Variants in IMMP2L observed in about 807,000 individuals in gnomAD.
IMMP2L encodes inner mitochondrial membrane peptidase subunit 2, also known as mitochondrial inner membrane protease subunit 2.
Under a neutral mutation model 19.3 loss-of-function variants are expected in IMMP2L, and 18 were observed. The observed-to-expected ratio is 0.93, with a 90% CI of 0.64 to 1.38. The LOEUF is 1.38. IMMP2L is among the 40% of genes most tolerant of loss of function. IMMP2L has a pLI of 0.00. For synonymous variants in IMMP2L, 76 were observed against 73.0 expected (o/e 1.04, Z -0.21); for missense variants, 233 against 218.2 (o/e 1.07, Z -0.43).
intron 1 of IMMP2L, among the ~76,000 whole-genome samples, chr7:111,531,247 G>A (rs560439463): frequency 1.1e-4 from 17 of 151,610 alleles, no homozygotes; most frequent in South Asian, 2.1e-4. Flanking sequence ...GAGCCACTGC[G>A]TCCGGCCTGA....
intron 1 of IMMP2L, among the ~76,000 whole-genome samples, chr7:111,525,067 T>A (rs1846712295): frequency 6.6e-6 from 1 of 152,138 alleles, no homozygotes; most frequent in African/African-American, 2.4e-5. Context: ...TATGGAGTGA[T>A]AAGGGTCAAT....
rs1475176661 is a variant in IMMP2L, at chr7:111,423,094, T to C, written c.239+64144A>G. 2.0e-5 allele frequency among the ~76,000 whole-genome samples: 3 copies of C among 151,886 alleles called. No individual in the cohort carries two copies. In the East Asian group the frequency reaches 5.8e-4, roughly 29 times the overall value. On this transcript the variant is annotated intron_variant, in intron 3 of 5. Coordinates refer to ENST00000405709, the MANE Select transcript of IMMP2L (RefSeq NM_032549.4). ...CACTTGATCATGGTGGATAAGCTTC[T>C]TGATGTGCTGCTGGATTTGGTTTGC...
chr7:111,224,180 G>A (rs1016477313), intron 3 of IMMP2L, among the ~76,000 whole-genome samples: 3 of 152,022 alleles, frequency 2.0e-5, no homozygotes, highest in African/African-American at 7.2e-5. Flanking sequence ...ATGGCCAAAA[G>A]AGATGATGCA....
intron 3 of IMMP2L, among the ~76,000 whole-genome samples, chr7:111,107,998 T>A (rs1041846673): frequency 1.3e-5 from 2 of 152,174 alleles, no homozygotes; most frequent in African/African-American, 4.8e-5. Flanking sequence ...TTGCATCAAC[T>A]TTTTCTTAAC....
At chr7:110,673,649 G>A (rs1792079085) in intron 5 of IMMP2L, among the ~76,000 whole-genome samples, 1 of 152,178 alleles carries the variant, frequency 6.6e-6, no homozygotes, top group Admixed American at 6.5e-5. Flanking sequence ...AAGTTCCACA[G>A]ATCTCTAGGG....
intron 5 of IMMP2L, among the ~76,000 whole-genome samples, chr7:110,761,742 A>G (rs1250913566): frequency 6.6e-6 from 1 of 152,198 alleles, no homozygotes; most frequent in African/African-American, 2.4e-5. Context: ...GAGGAACCTG[A>G]GGCTTAAAGA....
intron 3 of IMMP2L, among the ~76,000 whole-genome samples, chr7:111,159,785 T>C (rs1417376874): frequency 6.6e-6 from 1 of 152,160 alleles, no homozygotes; most frequent in Non-Finnish European, 1.5e-5. Context: ...AAGTGAACTT[T>C]TGATAATATA....
intron 3 of IMMP2L, among the ~76,000 whole-genome samples, chr7:111,395,397 C>G (rs1439839913): frequency 6.6e-6 from 1 of 152,180 alleles, no homozygotes; most frequent in African/African-American, 2.4e-5. Flanking sequence ...TTGTTCGTGT[C>G]TCCACACATT....
intron 4 of IMMP2L, among the ~76,000 whole-genome samples, chr7:110,955,848 T>C (rs1462192944): frequency 6.8e-6 from 1 of 147,404 alleles, no homozygotes; most frequent in Non-Finnish European, 1.5e-5. Flanking sequence ...AAAAATGACA[T>C]AAATGAATGC....
At chr7:110,824,116 G>A (rs535919045) in intron 5 of IMMP2L, among the ~76,000 whole-genome samples, 20 of 152,040 alleles carry the variant, frequency 1.3e-4, no homozygotes, top group South Asian at 2.1e-4. Context: ...GAGATTTAAC[G>A]CTGCTCAACT....
intron 5 of IMMP2L, among the ~76,000 whole-genome samples, chr7:110,700,166 G>A (rs116518054): frequency 3.5e-4 from 54 of 152,194 alleles, no homozygotes; most frequent in African/African-American, 1.1e-3. Flanking sequence ...TAGTAAATAC[G>A]GCTCGTTTCA....
rs187896869 is a variant in IMMP2L, at chr7:111,309,177, C to G, written c.239+178061G>C. Among the ~76,000 whole-genome samples, 97 of 152,192 alleles carry G rather than the reference C, an allele frequency of 6.4e-4. 1 individual carries two copies. The highest frequency in any genetic ancestry group is 1.2e-3 in the Non-Finnish European group (83 of 67,982). ...AAGAAGACATTATTTCACAGATGTA[C>G]TGGAGAAAATACAATTGTTTTCATT... On this transcript the variant is annotated intron_variant, in intron 3 of 5. Transcript: ENST00000405709.
intron 5 of IMMP2L, among the ~76,000 whole-genome samples, chr7:110,780,051 T>C (rs1342708469): frequency 6.6e-6 from 1 of 151,856 alleles, no homozygotes; most frequent in Non-Finnish European, 1.5e-5. Flanking sequence ...ATTTTATTTT[T>C]CTACCTTTTG....
chr7:111,160,004 T>C (rs2129606196), intron 3 of IMMP2L, among the ~76,000 whole-genome samples: 1 of 152,204 alleles, frequency 6.6e-6, no homozygotes, highest in East Asian at 1.9e-4. Flanking sequence ...TTCACACTTT[T>C]GGTTCTTCAC....
intron 3 of IMMP2L, among the ~76,000 whole-genome samples, chr7:111,042,167 T>C (rs1346024787): frequency 3.3e-5 from 5 of 152,148 alleles, no homozygotes; most frequent in African/African-American, 1.2e-4. Context: ...ATGGCCATCA[T>C]AGATACCATT....
At chr7:111,003,177 C>T (rs1197921555) in intron 3 of IMMP2L, among the ~76,000 whole-genome samples, 2 of 152,084 alleles carry the variant, frequency 1.3e-5, no homozygotes, top group African/African-American at 4.8e-5. Context: ...TGTGTTCTGG[C>T]TCTAAAACTG....
At chr7:111,018,720 A>T (rs1455289107) in intron 3 of IMMP2L, among the ~76,000 whole-genome samples, 1 of 151,826 alleles carries the variant, frequency 6.6e-6, no homozygotes, top group African/African-American at 2.4e-5. Context: ...TAAAAGGATA[A>T]ACCAAAATTT....
intron 3 of IMMP2L, among the ~76,000 whole-genome samples, chr7:111,053,237 A>G (rs1018620938): frequency 2.0e-5 from 3 of 152,322 alleles, no homozygotes; most frequent in South Asian, 4.1e-4. Flanking sequence ...ATATGTTGGC[A>G]TGCTTCCAGG....
rs142298750 is a variant in IMMP2L, at chr7:110,917,928, G to A, written c.306-31233C>T. On this transcript the variant is annotated intron_variant, in intron 4 of 5. Transcript: ENST00000405709. ...AATTATATCATACATAGAAAAATAT[G>A]TCAAGAAATTATTAGGTACTACTAG... Among the ~76,000 whole-genome samples, 118 of 152,234 alleles carry A rather than the reference G, an allele frequency of 7.8e-4. 1 individual carries two copies. In the Middle Eastern group the frequency reaches 0.01, roughly 13 times the overall value.
Sources: gnomAD v4.1 joint callset for allele counts (sites outside exome capture counted in the v4.1 genomes callset) on GRCh38, gnomAD v4.1.1 for gene constraint, MANE v1.5 for transcripts, NCBI Gene and HGNC (gene_info 2026-07-23, HGNC 2026-07-21) for gene names.